MGMT: variants seen among roughly 807,000 people sequenced by gnomAD.
MGMT encodes methylated-DNA--protein-cysteine methyltransferase.
Under a neutral mutation model 15.9 loss-of-function variants are expected in MGMT, and 14 were observed. That is an observed-to-expected ratio of 0.88 (90% CI 0.58 to 1.37). The LOEUF (loss-of-function observed/expected upper bound fraction) is 1.37, where lower values mean the gene tolerates loss of function less well. MGMT is among the 40% of genes most tolerant of loss of function. The probability of loss-of-function intolerance (pLI) is 0.00; values close to 1 mark genes in which losing one functional copy is unlikely to be tolerated. For missense variants in MGMT, 282 were observed against 268.1 expected (o/e 1.05, Z -0.36); for synonymous variants, 130 against 118.2 (o/e 1.10, Z -0.65).
At chr10:129,711,356 A>G (rs1848230882) in intron 3 of MGMT, among the ~76,000 whole-genome samples, 2 of 152,270 alleles carry the variant, frequency 1.3e-5, no homozygotes, top group South Asian at 4.1e-4. Context: ...AAGACAGGTT[A>G]GTAGCTAGGT....
chr10:129,660,830 G>C (rs1486427099), intron 2 of MGMT, among the ~76,000 whole-genome samples: 1 of 152,070 alleles, frequency 6.6e-6, no homozygotes, highest in Non-Finnish European at 1.5e-5. Context: ...CATAGCCGGA[G>C]TAGGGAGTAT....
chr10:129,594,015 C>A (rs1846721280), intron 2 of MGMT, among the ~76,000 whole-genome samples: 1 of 152,182 alleles, frequency 6.6e-6, no homozygotes, highest in Non-Finnish European at 1.5e-5. Context: ...GTTTTATGAG[C>A]TGGACTGAGA....
intron 2 of MGMT, among the ~76,000 whole-genome samples, chr10:129,685,837 C>T (rs1168157876): frequency 6.6e-6 from 1 of 152,180 alleles, no homozygotes; most frequent in Non-Finnish European, 1.5e-5. Context: ...TCTGCATGCC[C>T]ACATCTTCCT....
At chr10:129,608,427 T>C (rs145988169) in intron 2 of MGMT, among the ~76,000 whole-genome samples, 3,934 of 152,300 alleles carry the variant, frequency 0.026, 81 homozygotes, top group South Asian at 0.064. Flanking sequence ...CCTTTCCACT[T>C]TCACCCACTG....
intron 2 of MGMT, among the ~76,000 whole-genome samples, chr10:129,641,718 A>G (rs967173868): frequency 1.3e-5 from 2 of 152,218 alleles, no homozygotes; most frequent in Admixed American, 1.3e-4. Flanking sequence ...TCGGCTGACA[A>G]TTATAGTCTG....
Position 129,574,365 on chromosome 10 carries a change from T to A in MGMT, c.125+37988T>A, listed in dbSNP as rs76129250. ...CAGGTTGTTCTTTACCTTTCGTTTT[T>A]AAGGTGGCTTCCAGTTCATACCAAG... is the stretch of plus-strand genomic sequence containing the variant. On this transcript the variant is annotated intron_variant, in intron 2 of 4. Coordinates refer to ENST00000651593, the MANE Select transcript of MGMT (RefSeq NM_002412.5). Among the ~76,000 whole-genome samples the A allele has an allele frequency of 4.5e-3, 693 of 152,356 alleles. 3 individuals carry two copies. The highest frequency in any genetic ancestry group is 0.016 in the African/African-American group (657 of 41,578).
intron 1 of MGMT, among the ~76,000 whole-genome samples, chr10:129,529,828 A>T (rs1299511678): frequency 1.3e-5 from 2 of 151,974 alleles, no homozygotes; most frequent in African/African-American, 4.8e-5. Flanking sequence ...TTTGTATGTT[A>T]TATTTACCCA....
intron 2 of MGMT, among the ~76,000 whole-genome samples, chr10:129,666,447 T>C (rs1411960744): frequency 2.0e-5 from 3 of 152,196 alleles, no homozygotes; most frequent in African/African-American, 7.2e-5. Context: ...TTTATGTCTT[T>C]CCATAAAATT....
At chr10:129,627,068 C>A (rs1452417336) in intron 2 of MGMT, among the ~76,000 whole-genome samples, 3 of 152,176 alleles carry the variant, frequency 2.0e-5, no homozygotes, top group Non-Finnish European at 2.9e-5. Flanking sequence ...AGTGGGCTCA[C>A]AGGCAAGAAG....
At chr10:129,582,514 C>T (rs1290233040) in intron 2 of MGMT, among the ~76,000 whole-genome samples, 2 of 151,858 alleles carry the variant, frequency 1.3e-5, no homozygotes, top group African/African-American at 4.8e-5. Flanking sequence ...AACGTCTTCC[C>T]GATATTTAGA....
chr10:129,754,356 A>G (rs1848781904), intron 3 of MGMT, among the ~76,000 whole-genome samples: 1 of 152,190 alleles, frequency 6.6e-6, no homozygotes, highest in African/African-American at 2.4e-5. Context: ...CATTAGGAAG[A>G]CAGAGGTAAA....
chr10:129,505,717 A>G (rs1845618283), intron 1 of MGMT, among the ~76,000 whole-genome samples: 1 of 152,220 alleles, frequency 6.6e-6, no homozygotes, highest in Non-Finnish European at 1.5e-5. Context: ...CAGCTTTTGT[A>G]AAGTTTCAAA....
rs1449595362 is a variant in MGMT, at chr10:129,604,605, G to T, written c.125+68228G>T. On this transcript the variant is annotated intron_variant, in intron 2 of 4. Coordinates refer to ENST00000651593, the MANE Select transcript of MGMT (RefSeq NM_002412.5). The stretch of plus-strand genomic sequence containing the variant: ...GCTTCATCTGAGGACACGTGGAGGA[G>T]CCACTCTCTTGGTGTGGGTAGTGAA... 2.8e-4 allele frequency among the ~76,000 whole-genome samples: 43 copies of T among 151,434 alleles called. 2 individuals carry two copies. Among genetic ancestry groups the T allele is most frequent in the Admixed American group, 2.4e-3 (37 of 15,222 alleles).
At chr10:129,579,452 C>G (rs1214915829) in intron 2 of MGMT, among the ~76,000 whole-genome samples, 2 of 152,232 alleles carry the variant, frequency 1.3e-5, no homozygotes, top group African/African-American at 4.8e-5. Context: ...CTCGGCCTGC[C>G]CCGTTTCTGT....
intron 2 of MGMT, among the ~76,000 whole-genome samples, chr10:129,597,448 T>G (rs1341320863): frequency 6.6e-6 from 1 of 152,060 alleles, no homozygotes; most frequent in African/African-American, 2.4e-5. Context: ...TCATTTTTAT[T>G]ACCTACTTTT....
intron 2 of MGMT, among the ~76,000 whole-genome samples, chr10:129,576,146 A>G (rs1846479958): frequency 6.6e-6 from 1 of 152,210 alleles, no homozygotes; most frequent in Non-Finnish European, 1.5e-5. Flanking sequence ...AACTATTCCA[A>G]TCAATAGACA....
At chr10:129,598,660 G>A (rs1046048836) in intron 2 of MGMT, among the ~76,000 whole-genome samples, 5 of 152,238 alleles carry the variant, frequency 3.3e-5, no homozygotes, top group African/African-American at 7.2e-5. Flanking sequence ...TTGTTAGGGA[G>A]TAAGAATATT....
intron 2 of MGMT, among the ~76,000 whole-genome samples, chr10:129,559,913 C>T (rs1370917549): frequency 6.6e-6 from 1 of 152,164 alleles, no homozygotes; most frequent in African/African-American, 2.4e-5. Context: ...TGGACAAATG[C>T]AGGTGCTGTT....
At chr10:129,541,311 G>C (rs1272758147) in intron 2 of MGMT, among the ~76,000 whole-genome samples, 1 of 152,234 alleles carries the variant, frequency 6.6e-6, no homozygotes, top group Non-Finnish European at 1.5e-5. Flanking sequence ...ATAACTGCCT[G>C]ACAGTATCAG....
Sources: allele counts gnomAD v4.1 joint callset (sites outside exome capture counted in the v4.1 genomes callset), GRCh38; gene constraint gnomAD v4.1.1; transcripts MANE v1.5; gene names NCBI Gene and HGNC (gene_info 2026-07-23, HGNC 2026-07-21).